OR7C1: variants seen among roughly 807,000 people sequenced by gnomAD.
OR7C1 encodes olfactory receptor 7C1.
For synonymous variants in OR7C1, 152 were observed against 160.7 expected (o/e 0.95, Z 0.41); for missense variants, 324 against 383.3 (o/e 0.85, Z 1.29).
chr19:14,821,289 A>T (rs1457931808), intron 1 of OR7C1: 1 of 152,224 alleles, frequency 6.6e-6, no homozygotes, highest in African/African-American at 2.4e-5. Flanking sequence ...TAAATATGGA[A>T]TAGATACAGG....
Position 14,799,664 on chromosome 19 carries a change from A to G in OR7C1, c.473T>C (p.Leu158Pro). The change falls in exon 5 of 5, where the codon CTC (leucine) becomes CCC (proline). Residue 158 changes from leucine (L) to proline (P), a missense_variant. By Grantham distance (98) the Leu-to-Pro change is moderately conservative. Transcript: ENST00000641666. ...CAGCCTCAAAACAGTCAAGGTCTCG[A>G]GCAGGGAACCCATGACACTGATGCA... The G allele has an allele frequency of 2.5e-6, 4 of 1,614,114 alleles. No homozygotes were observed. The South Asian group carries it at 4.4e-5, about 18-fold the overall frequency.
At chr19:14,815,786 T>TGTGC (rs1555695053) in intron 1 of OR7C1, among the ~76,000 whole-genome samples, 1 of 82,036 alleles carries the variant, frequency 1.2e-5, no homozygotes, top group Non-Finnish European at 2.8e-5. Flanking sequence ...AGTTTGTGCG[T>TGTGC]GTGTGTGTGT....
intron 2 of OR7C1, among the ~76,000 whole-genome samples, chr19:14,807,844 C>T (rs553575175): frequency 2.0e-5 from 3 of 150,998 alleles, no homozygotes; most frequent in East Asian, 3.9e-4. Context: ...TGCAGTGAGC[C>T]GAGATTGTGC....
chr19:14,829,784 A>G (rs921150772), intron 1 of OR7C1, among the ~76,000 whole-genome samples: 7 of 152,106 alleles, frequency 4.6e-5, no homozygotes, highest in African/African-American at 1.7e-4. Context: ...TCTCCTTTAT[A>G]ATAAAATATA....
intron 1 of OR7C1, among the ~76,000 whole-genome samples, chr19:14,820,604 T>C (rs1206498093): frequency 6.6e-6 from 1 of 152,028 alleles, no homozygotes; most frequent in African/African-American, 2.4e-5. Context: ...TATGTAGACG[T>C]ACAACTTTTT....
At chr19:14,799,609 G>T (rs1332139651) in exon 5 of OR7C1, 7 of 1,613,970 alleles carry the variant, frequency 4.3e-6, no homozygotes, top group Non-Finnish European at 5.9e-6. Flanking sequence ...CACAAAAAAA[G>T]TGTGGAATTT....
chr19:14,800,301 C>T, exon 4 of OR7C1: 1 of 724,240 alleles, frequency 1.4e-6, no homozygotes, highest in Non-Finnish European at 2.2e-6. Context: ...TTCTTCCATC[C>T]TTTTCTTTGC....
At chr19:14,802,088 G>A (rs2044644632) in intron 2 of OR7C1, among the ~76,000 whole-genome samples, 1 of 152,238 alleles carries the variant, frequency 6.6e-6, no homozygotes, top group Non-Finnish European at 1.5e-5. Context: ...CTGAAACCAG[G>A]TTGGACAGCT....
Position 14,827,331 on chromosome 19 carries a change from T to G in OR7C1, c.-623+7743A>C, listed in dbSNP as rs752369539. The G allele has an allele frequency of 2.5e-6, 4 of 1,585,014 alleles. No homozygotes were observed. The Admixed American group carries it at 5.6e-5, about 22-fold the overall frequency. ...CCCTTTCATTGTTCCCCACAACAAA[T>G]GTATTCCCAGAGCCCTCTTTATGTC... On this transcript the variant is annotated intron_variant, in intron 1 of 4. Coordinates refer to ENST00000641666, the Ensembl canonical transcript of OR7C1.
exon 5 of OR7C1, chr19:14,798,783 C>CCA (rs1442114877): frequency 6.0e-6 from 1 of 167,714 alleles, no homozygotes; most frequent in African/African-American, 2.4e-5. Context: ...CCCATGTTGC[C>CCA]TGTTCCTTTG....
At chr19:14,818,174 G>A (rs2044725177) in intron 1 of OR7C1, among the ~76,000 whole-genome samples, 1 of 151,744 alleles carries the variant, frequency 6.6e-6, no homozygotes, top group Non-Finnish European at 1.5e-5. Flanking sequence ...CTCACTGCAA[G>A]CTCCGCCTCC....
At chr19:14,798,989 T>C (rs1042427678) in exon 5 of OR7C1, 1 of 615,464 alleles carries the variant, frequency 1.6e-6, no homozygotes, top group African/African-American at 1.9e-5. Context: ...GGCTGCTTTT[T>C]GTTAACGGGG....
chr19:14,812,335 C>T (rs964829929), intron 1 of OR7C1, among the ~76,000 whole-genome samples: 20 of 152,154 alleles, frequency 1.3e-4, no homozygotes, highest in African/African-American at 3.9e-4. Flanking sequence ...ACAGGCAGCC[C>T]GGTGCCAGGC....
Position 14,799,950 on chromosome 19 carries a change from GGAA to G in OR7C1, c.184_186del (p.Phe62del), listed in dbSNP as rs2044632728. ...AGGTCAGCAAAAGACAGGTTGGAGA[GGAA>G]GAAGTACATGGGGGTGTGGAGGTGG... On this transcript the variant is annotated inframe_deletion, in exon 5 of 5. Transcript: ENST00000641666. The G allele has an allele frequency of 3.7e-6, 6 of 1,614,146 alleles. No individual in the cohort carries two copies. The East Asian group carries it at 1.3e-4, about 36-fold the overall frequency.
At chr19:14,831,492 T>C (rs1398763722) in intron 1 of OR7C1, among the ~76,000 whole-genome samples, 1 of 152,090 alleles carries the variant, frequency 6.6e-6, no homozygotes, top group Non-Finnish European at 1.5e-5. Context: ...TCGCCCAGGT[T>C]GGAGTGCAAT....
chr19:14,803,971 A>C (rs2044654624), intron 2 of OR7C1, among the ~76,000 whole-genome samples: 1 of 152,054 alleles, frequency 6.6e-6, no homozygotes, highest in Non-Finnish European at 1.5e-5. Flanking sequence ...GGCCTCCGAA[A>C]GTGCTGGGAT....
chr19:14,829,909 C>A (rs10405349), intron 1 of OR7C1, among the ~76,000 whole-genome samples: 44,404 of 152,024 alleles, frequency 0.29, 6,840 homozygotes, highest in East Asian at 0.55. Flanking sequence ...AGGGCCCAGG[C>A]AGGAGTGCAG....
chr19:14,800,115 G>A (rs759744235), exon 5 of OR7C1: 5 of 1,585,296 alleles, frequency 3.2e-6, no homozygotes, highest in Non-Finnish European at 4.3e-6. Context: ...TCTTGGGCAT[G>A]TGTTTGATTT....
chr19:14,798,755 G>A (rs1035601081), exon 5 of OR7C1: 1 of 162,130 alleles, frequency 6.2e-6, no homozygotes, highest in Non-Finnish European at 1.3e-5. Context: ...ATACAGATGG[G>A]TTCTTTACCT....
Sources: gnomAD v4.1 joint callset for allele counts (sites outside exome capture counted in the v4.1 genomes callset) on GRCh38, gnomAD v4.1.1 for gene constraint, MANE v1.5 for transcripts, NCBI Gene and HGNC (gene_info 2026-07-23, HGNC 2026-07-21) for gene names.